The following ZC3H7B variants were observed in gnomAD, a reference collection of about 807,000 sequenced individuals.
The protein encoded by ZC3H7B is zinc finger CCCH-type containing 7B.
Under a neutral mutation model 116.0 loss-of-function variants are expected in ZC3H7B, and 35 were observed. That is an observed-to-expected ratio of 0.30 (90% CI 0.23 to 0.40). ZC3H7B has a LOEUF of 0.40. Ranked by LOEUF, ZC3H7B falls within the 10% of genes least tolerant of loss-of-function variation. The probability of loss-of-function intolerance (pLI) is 1.00; values close to 1 mark genes in which losing one functional copy is unlikely to be tolerated. For missense variants in ZC3H7B, 1,011 were observed against 1,321.5 expected, an observed-to-expected ratio of 0.77 and a Z score of 3.64; for synonymous variants, 502 against 545.6, an observed-to-expected ratio of 0.92 and a Z score of 1.11.
chr22:41,319,987 C>T (rs972077825), intron 1 of ZC3H7B, among the ~76,000 whole-genome samples: 3 of 149,024 alleles, frequency 2.0e-5, no homozygotes, highest in Non-Finnish European at 4.4e-5. Flanking sequence ...GCTGAGATTG[C>T]ATCACTGCAC....
intron 17 of ZC3H7B, among the ~76,000 whole-genome samples, chr22:41,354,860 C>T (rs1328347883): frequency 6.6e-6 from 1 of 152,136 alleles, no homozygotes; most frequent in Non-Finnish European, 1.5e-5. Flanking sequence ...GGCCAGAGAC[C>T]AGGGCCACTC....
chr22:41,317,329 A>G (rs2036197834), intron 1 of ZC3H7B, among the ~76,000 whole-genome samples: 1 of 152,204 alleles, frequency 6.6e-6, no homozygotes, highest in South Asian at 2.1e-4. Context: ...TTCCTGGGCA[A>G]CAGCCATGTG....
intron 13 of ZC3H7B, among the ~76,000 whole-genome samples, chr22:41,344,167 C>A (rs909877124): frequency 6.6e-6 from 1 of 152,192 alleles, no homozygotes; most frequent in Non-Finnish European, 1.5e-5. Flanking sequence ...CCCAGTGTAG[C>A]CCTTTCATTT....
chr22:41,356,298 TGGA>T lies in ZC3H7B; in HGVS notation c.2384-43_2384-41del, dbSNP rs576978349. 9.2e-4 allele frequency: 1,480 copies of T among 1,611,124 alleles called. 13 individuals are homozygous for T. In the East Asian group the frequency reaches 0.013, roughly 14 times the overall value. The stretch of plus-strand genomic sequence containing the variant: ...AGTGGGGACCATGGGGCAGAATGGA[TGGA>T]GAAGCCCCTCAGCAGGTGCCCTGTC... On this transcript the variant is annotated intron_variant, in intron 20 of 22. Transcript: ENST00000352645.
chr22:41,346,985 AT>A lies in ZC3H7B; in HGVS notation c.1665+778del, dbSNP rs1341334328. Among the ~76,000 whole-genome samples, 10 of 115,222 alleles carry A rather than the reference AT, an allele frequency of 8.7e-5. No individual in the cohort carries two copies. The highest frequency in any genetic ancestry group is 2.4e-4 in the African/African-American group (4 of 16,520). The allele number at this position is 115,222 out of a possible 152,430, so 75.6% of individuals were successfully genotyped here. On this transcript the variant is annotated intron_variant, in intron 14 of 22. Coordinates refer to ENST00000352645, the MANE Select transcript of ZC3H7B (RefSeq NM_017590.6). The surrounding 1 kb of genome is among the most constrained non-coding windows in gnomAD (Gnocchi z 5.3). Reference sequence around the variant, plus strand: ...CTATTCCAAAAAAAAAAAAAAAAAAATGTCATTTCCATCGTCACGGCAGTGC... The same window carrying A: ...CTATTCCAAAAAAAAAAAAAAAAAAAGTCATTTCCATCGTCACGGCAGTGC...
At position 41,346,015 on chromosome 22, in the gene ZC3H7B, A is replaced by G. The variant is rs1340014509; in HGVS notation, c.1472A>G (p.Lys491Arg). ...TGCCTCTTTGCAGACATGATTAACA[A>G]GCAGGACTGTAAGTACGGGGATAAC... The part of the protein sequence containing the change: ...SYYLCKDMIN[K>R]QDCKYGDNCT... Residue 491 changes from lysine (K) to arginine (R), a missense_variant, in exon 14 of 23, where the codon AAG (lysine) becomes AGG (arginine). By Grantham distance (26) the Lys-to-Arg change is conservative. This residue lies in a region of ZC3H7B where 179 missense variants were observed against 178.5 expected (regional missense o/e 1.00). Coordinates refer to ENST00000352645, the MANE Select transcript of ZC3H7B (RefSeq NM_017590.6). This position sits in a 1 kb window ranked among gnomAD's most constrained non-coding sequence, Gnocchi z 5.3. The G allele has an allele frequency of 3.7e-6, 6 of 1,614,104 alleles. No homozygotes were observed. The highest frequency in any genetic ancestry group is 5.1e-6 in the Non-Finnish European group (6 of 1,180,010).
At chr22:41,314,603 A>T (rs914932998) in intron 1 of ZC3H7B, among the ~76,000 whole-genome samples, 5 of 141,272 alleles carry the variant, frequency 3.5e-5, no homozygotes, top group Non-Finnish European at 6.2e-5. Flanking sequence ...CATCATTATT[A>T]TTTTTTTATT....
chr22:41,343,693 G>A (rs1260328945), intron 13 of ZC3H7B, 117 bp downstream of exon 13: 6 of 1,367,512 alleles, frequency 4.4e-6, no homozygotes, highest in Admixed American at 6.2e-5. Context: ...ACAGCTGCAC[G>A]GGAGGAGAAA....
rs2036651735 is a variant in ZC3H7B at position 41,351,350 on chromosome 22, T to C, written c.1949-211T>C. On this transcript the variant is annotated intron_variant, in intron 16 of 22. Coordinates refer to ENST00000352645, the MANE Select transcript of ZC3H7B (RefSeq NM_017590.6). The surrounding 1 kb of genome is among the most constrained non-coding windows in gnomAD (Gnocchi z 5.1). ...TCCCACTCTTGGCTGCATTTAATTC[T>C]TTCACTTCCAGTGAGGCTCGGAGCA... 6.6e-6 allele frequency among the ~76,000 whole-genome samples: 1 copy of C among 152,198 alleles called. No homozygotes were observed.
intron 15 of ZC3H7B, among the ~76,000 whole-genome samples, 165 bp downstream of exon 15, chr22:41,348,332 A>G (rs532517254): frequency 6.6e-6 from 1 of 152,364 alleles, no homozygotes; most frequent in South Asian, 2.1e-4. Flanking sequence ...AAAGGATGAG[A>G]ATCACATTTG....
chr22:41,357,186 G>A lies in ZC3H7B; in HGVS notation c.2691G>A (p.Lys897=), dbSNP rs543553345. ...GEFRLCDRLQ[K]GKACPDGDKC... is the part of the protein sequence containing the mutation. ...CTCCTGCCACCCACAGGCTCCAGAA[G>A]GGCAAAGCCTGCCCAGATGGGGACA... The change falls in exon 23 of 23, where the codon AAG becomes AAA. Residue 897 remains lysine (K), a synonymous_variant. Coordinates refer to ENST00000352645, the MANE Select transcript of ZC3H7B (RefSeq NM_017590.6). The surrounding 1 kb of genome is among the most constrained non-coding windows in gnomAD (Gnocchi z 5.4). 7.3e-5 allele frequency: 117 copies of A among 1,613,184 alleles called. No homozygotes were observed. The highest frequency in any genetic ancestry group is 9.3e-5 in the Non-Finnish European group (110 of 1,179,854).
At position 41,357,145 on chromosome 22, in the gene ZC3H7B, A is replaced by G; in HGVS notation, c.2682-32A>G. ...ACAGCCTGGGGTGGGAAGGGCACAG[A>G]GCTCGGGCAGTGAGCCTCCTGCCAC... On this transcript the variant is annotated intron_variant, in intron 22 of 22. Transcript: ENST00000352645. This position sits in a 1 kb window ranked among gnomAD's most constrained non-coding sequence, Gnocchi z 5.4. 6.2e-7 allele frequency: 1 copy of G among 1,607,854 alleles called. No homozygotes were observed. The highest frequency in any genetic ancestry group is 8.5e-7 in the Non-Finnish European group (1 of 1,178,132).
intron 1 of ZC3H7B, among the ~76,000 whole-genome samples, chr22:41,319,405 A>C: frequency 6.6e-6 from 1 of 151,746 alleles, no homozygotes; most frequent in Non-Finnish European, 1.5e-5. Context: ...CCTCTCAAAA[A>C]AAAACAAAGC....
rs531129847 is a variant in ZC3H7B, at chr22:41,312,924, T to C, written c.-6-7731T>C. On this transcript the variant is annotated intron_variant, in intron 1 of 22. Coordinates refer to ENST00000352645, the MANE Select transcript of ZC3H7B (RefSeq NM_017590.6). ...AATTATAATACATCCTATGCAAATA[T>C]AATTGAGTACATGTGTAGGGATTTT... Among the ~76,000 whole-genome samples, 7 of 152,274 alleles carry C rather than the reference T, an allele frequency of 4.6e-5. No individual in the cohort carries two copies. The East Asian group carries it at 1.4e-3, about 29-fold the overall frequency.
chr22:41,307,276 A>G (rs546570379), intron 1 of ZC3H7B, among the ~76,000 whole-genome samples: 3 of 152,166 alleles, frequency 2.0e-5, no homozygotes, highest in Non-Finnish European at 4.4e-5. Context: ...CTGGGCCTGA[A>G]GTCGGCTCCT....
Position 41,342,850 on chromosome 22 carries a change from C to T in ZC3H7B, c.1297+222C>T, listed in dbSNP as rs185870556. The stretch of plus-strand genomic sequence containing the variant: ...CTAGAGAAACACTAACATGGTCAGA[C>T]TCACTAGAGAGTGAGGACGGTGGTA... On this transcript the variant is annotated intron_variant, in intron 12 of 22. Transcript: ENST00000352645. Among the ~76,000 whole-genome samples the T allele has an allele frequency of 1.9e-3, 285 of 152,312 alleles. 1 individual carries two copies. Among genetic ancestry groups the T allele is most frequent in the African/African-American group, 6.2e-3 (259 of 41,568 alleles).
chr22:41,320,886 T>C (rs536555359), intron 2 of ZC3H7B, among the ~76,000 whole-genome samples, 173 bp downstream of exon 2: 1 of 152,292 alleles, frequency 6.6e-6, no homozygotes, highest in East Asian at 1.9e-4. Flanking sequence ...GGTGTGGCTG[T>C]GCGTGAACTC....
intron 1 of ZC3H7B, 119 bp from the exon 2 acceptor site, chr22:41,320,536 A>G (rs2036241774): frequency 8.6e-7 from 1 of 1,159,514 alleles, no homozygotes; most frequent in Non-Finnish European, 1.3e-6. Flanking sequence ...GCCTCCCGAC[A>G]TGGGGAAGGG....
chr22:41,329,885 ACCT>A, intron 5 of ZC3H7B, 135 bp from the exon 6 acceptor site: 3 of 688,288 alleles, frequency 4.4e-6, no homozygotes, highest in African/African-American at 1.8e-5. Flanking sequence ...AGCCAGGGAC[ACCT>A]CCTGGGGCCT....
Sources: allele counts gnomAD v4.1 joint callset (sites outside exome capture counted in the v4.1 genomes callset), GRCh38; gene constraint gnomAD v4.1.1; regional missense constraint gnomAD v4.1.1; non-coding constraint Gnocchi (gnomAD v3.1); transcripts MANE v1.5; gene names NCBI Gene and HGNC (gene_info 2026-07-23, HGNC 2026-07-21).